ZFHX2: variants seen among roughly 807,000 people sequenced by gnomAD.
ZFHX2 encodes zinc finger homeobox protein 2.
Under a neutral mutation model 164.8 loss-of-function variants are expected in ZFHX2, and 75 were observed. The observed-to-expected ratio is 0.46, with a 90% confidence interval of 0.38 to 0.55. The LOEUF (loss-of-function observed/expected upper bound fraction) is 0.55. Among genes scored for constraint, ZFHX2 ranks in the 20% least tolerant of loss-of-function variants. The probability of loss-of-function intolerance (pLI) is 0.00; values close to 1 mark genes in which losing one functional copy is unlikely to be tolerated. For missense variants in ZFHX2, 2,933 were observed against 3,308.0 expected, an observed-to-expected ratio of 0.89 and a Z score of 2.78; for synonymous variants, 1,217 against 1,351.4, an observed-to-expected ratio of 0.90 and a Z score of 2.18.
At chr14:23,543,583 A>G (rs1881054136) in intron 1 of ZFHX2, 1 of 152,102 alleles carries the variant, frequency 6.6e-6, no homozygotes, top group Admixed American at 6.5e-5. Context: ...GCTTTGCGCA[A>G]CTCCAGGGTG....
intron 1 of ZFHX2, chr14:23,548,338 G>A (rs952237877): frequency 6.6e-6 from 1 of 152,316 alleles, no homozygotes; most frequent in South Asian, 2.1e-4. Flanking sequence ...TCTGAGCTGG[G>A]AAGAGCTCCA....
Position 23,530,142 on chromosome 14 carries a change from G to A in ZFHX2, c.2853C>T (p.Ala951=), listed in dbSNP as rs750971995. 12 of 1,536,098 alleles carry A rather than the reference G, an allele frequency of 7.8e-6. No individual in the cohort carries two copies. The highest frequency in any genetic ancestry group is 9.6e-6 in the Non-Finnish European group (11 of 1,146,876). ...LAEPPTPEKD[A]QNKTEQLASE... is the part of the protein sequence containing the mutation. ...CACCCAATTGTTCTGTCTTGTTCTG[G>A]GCATCTTTCTCAGGGGTGGGTGGCT... Residue 951 remains alanine, a synonymous_variant, in exon 5 of 10, where the codon GCC becomes GCT. Transcript: ENST00000419474.
intron 7 of ZFHX2, among the ~76,000 whole-genome samples, chr14:23,527,256 C>T (rs765995762): frequency 7.9e-5 from 12 of 152,356 alleles, no homozygotes; most frequent in Admixed American, 1.3e-4. Flanking sequence ...CAACTCTTCT[C>T]AGGACTTAGT....
At chr14:23,537,960 G>A (rs1004357394) in intron 1 of ZFHX2, 1 of 152,806 alleles carries the variant, frequency 6.5e-6, no homozygotes, top group East Asian at 1.9e-4. Context: ...GCCGGCCCAA[G>A]TGCTACAGCT....
At position 23,529,832 on chromosome 14, in the gene ZFHX2, A is replaced by G. The variant is rs1035847292; in HGVS notation, c.2876-64T>C. On this transcript the variant is annotated intron_variant, in intron 5 of 9. Transcript: ENST00000419474. ...GCCCTCAAGATGATTTGTAGCAGAG[A>G]GCTTCCAGGGTAGGGAGTTGGGCAC... 5.4e-6 allele frequency: 8 copies of G among 1,484,704 alleles called. No homozygotes were observed. In the African/African-American group the frequency reaches 1.1e-4, roughly 21 times the overall value. 92.0% of individuals were successfully genotyped at this position (1,484,704 alleles called of 1,614,324 possible).
At position 23,532,529 on chromosome 14, in the gene ZFHX2, T is replaced by C. The variant is rs539613367; in HGVS notation, c.2559+38A>G. On this transcript the variant is annotated intron_variant, in intron 3 of 9. Transcript: ENST00000419474. ...ATCTCCTCCCTCTGTCCCCATTCCC[T>C]TCTCCTCTTCCGATGGCCCTTCCTG... is the stretch of plus-strand genomic sequence containing the variant. 3.4e-5 allele frequency: 48 copies of C among 1,429,036 alleles called. No homozygotes were observed. The East Asian group carries it at 1.2e-3, about 36-fold the overall frequency. The allele number at this position is 1,429,036 out of a possible 1,614,324, so 88.5% of individuals were successfully genotyped here. A position where few individuals can be genotyped will look rare whatever the true frequency, so the allele number is the denominator to read the frequency against.
Position 23,535,565 on chromosome 14 carries a change from TTTTA to T in ZFHX2, c.-49-195_-49-192del, listed in dbSNP as rs554931123. 6.6e-5 allele frequency among the ~76,000 whole-genome samples: 10 copies of T among 152,222 alleles called. No homozygotes were observed. The South Asian group carries it at 1.7e-3, about 25-fold the overall frequency. On this transcript the variant is annotated intron_variant, in intron 1 of 9. Transcript: ENST00000419474. The surrounding 1 kb of genome is among the most constrained non-coding windows in gnomAD (Gnocchi z 4.5). ...ATATGTCCAACATCAGAACTCTTCA[TTTTA>T]TTTATTTTATTTTATTTTATTAATT...
At position 23,526,386 on chromosome 14, in the gene ZFHX2, C is replaced by A; in HGVS notation, c.3556G>T (p.Asp1186Tyr). 6.5e-7 allele frequency: 1 copy of A among 1,536,250 alleles called. No homozygotes were observed. Among genetic ancestry groups the A allele is most frequent in the South Asian group, 1.2e-5 (1 of 84,034 alleles). The change falls in exon 9 of 10, where the codon GAC becomes TAC. Residue 1186 changes from aspartate (D) to tyrosine (Y), a missense_variant. Physicochemically the swap from Asp to Tyr is radical, Grantham distance 160. Coordinates refer to ENST00000419474, the MANE Select transcript of ZFHX2 (RefSeq NM_033400.3). The part of the protein sequence containing the change: ...TTNFALDKFL[D>Y]PARPYKCTVC... Reference sequence around the variant, plus strand: ...GTGCACTTATAGGGCCGGGCAGGGTCGAGAAACTTGTCCAGGGCAAAGTTG... The same window carrying A: ...GTGCACTTATAGGGCCGGGCAGGGTAGAGAAACTTGTCCAGGGCAAAGTTG...
At chr14:23,553,881 G>A (rs552485176), upstream of ZFHX2, among the ~76,000 whole-genome samples, 18 of 152,036 alleles carry the variant, frequency 1.2e-4, no homozygotes, top group South Asian at 1.7e-3. Context: ...GCGACAAAGC[G>A]AGACTCCGTC....
rs922644698 is a variant in ZFHX2 at position 23,530,207 on chromosome 14, G to T, written c.2801-13C>A. 6 of 1,521,928 alleles carry T rather than the reference G, an allele frequency of 3.9e-6. No homozygotes were observed. In the African/African-American group the frequency reaches 4.1e-5, roughly 10 times the overall value. The allele number at this position is 1,521,928 out of a possible 1,614,324, so 94.3% of individuals were successfully genotyped here. On this transcript the variant is annotated splice_polypyrimidine_tract_variant and intron_variant, in intron 4 of 9. Transcript: ENST00000419474. Reference sequence around the variant, plus strand: ...ACAGGAGCCTTCCCTGTGTAGGATGGGGGGAGAGTCAGCTTAAAGAGGTGT... The same window carrying T: ...ACAGGAGCCTTCCCTGTGTAGGATGTGGGGAGAGTCAGCTTAAAGAGGTGT...
At chr14:23,540,704 T>G (rs1880703892) in intron 1 of ZFHX2, among the ~76,000 whole-genome samples, 1 of 152,218 alleles carries the variant, frequency 6.6e-6, no homozygotes, top group Non-Finnish European at 1.5e-5. Context: ...TGAGCCTTAG[T>G]CTCCTTATCT....
Position 23,526,362 on chromosome 14 carries a change from T to G in ZFHX2, c.3580A>C (p.Thr1194Pro). ...FLDPARPYKC[T>P]VCKESFTQKN... ...TGGGTGAAGGACTCCTTACACACAG[T>G]GCACTTATAGGGCCGGGCAGGGTCG... Residue 1194 changes from threonine to proline, a missense_variant, in exon 9 of 10, where the codon ACT (threonine) becomes CCT (proline). Coordinates refer to ENST00000419474, the MANE Select transcript of ZFHX2 (RefSeq NM_033400.3). 6.5e-7 allele frequency: 1 copy of G among 1,536,326 alleles called. No individual in the cohort carries two copies. The highest frequency in any genetic ancestry group is 8.7e-7 in the Non-Finnish European group (1 of 1,146,904).
At position 23,521,967 on chromosome 14, in the gene ZFHX2, A is replaced by C. The variant is rs1878050046; in HGVS notation, c.7714T>G (p.Leu2572Val). ...KTTTTSTLLA[L>V] ...CCCCATCTTGGTTAATCTGTTTATA[A>C]AGCTAGAAGTGTAGAGGTAGTCGTA... The change falls in exon 10 of 10, where the codon TTA (leucine) becomes GTA (valine). Residue 2572 changes from leucine to valine, a missense_variant. By Grantham distance (32) the Leu-to-Val change is conservative (BLOSUM62 1). Coordinates refer to ENST00000419474, the MANE Select transcript of ZFHX2 (RefSeq NM_033400.3). 1 of 1,536,236 alleles carries C rather than the reference A, an allele frequency of 6.5e-7. No individual in the cohort carries two copies. Among genetic ancestry groups the C allele is most frequent in the Admixed American group, 2.0e-5 (1 of 50,998 alleles).
intron 1 of ZFHX2, among the ~76,000 whole-genome samples, chr14:23,540,698 C>G (rs1405169309): frequency 6.6e-6 from 1 of 152,182 alleles, no homozygotes; most frequent in African/African-American, 2.4e-5. Context: ...ACGTATTGAG[C>G]CTTAGTCTCC....
rs1241706695 is a variant in ZFHX2, at chr14:23,525,234, G to T, written c.4708C>A (p.Arg1570=). ...GGTRAPEERS[R]AGGHWPIEEE... ...TCTATGGGCCAGTGTCCCCCTGCTC[G>T]ACTTCGCTCTTCAGGGGCACGGGTC... The change falls in exon 9 of 10, where the codon CGA becomes AGA. Residue 1570 remains arginine (R), a synonymous_variant. Transcript: ENST00000419474. The surrounding 1 kb of genome is among the most constrained non-coding windows in gnomAD (Gnocchi z 5.9). The T allele has an allele frequency of 6.5e-7, 1 of 1,536,052 alleles. No individual in the cohort carries two copies. Among genetic ancestry groups the T allele is most frequent in the Non-Finnish European group, 8.7e-7 (1 of 1,146,898 alleles).
chr14:23,532,741 C>A lies in ZFHX2; in HGVS notation c.2385G>T (p.Gly795=). The part of the protein sequence containing the change: ...KYQLAAHLRE[G]GGAMGTPSPA... ...GGGAAGGGGTGCCCATGGCTCCACC[C>A]CCCTCCCGCAGGTGGGCTGCCAGCT... Residue 795 remains glycine, a synonymous_variant, in exon 3 of 10, where the codon GGG becomes GGT. Coordinates refer to ENST00000419474, the MANE Select transcript of ZFHX2 (RefSeq NM_033400.3). The A allele has an allele frequency of 1.3e-6, 2 of 1,536,054 alleles. No homozygotes were observed. Among genetic ancestry groups the A allele is most frequent in the South Asian group, 1.2e-5 (1 of 84,040 alleles).
In ZFHX2 at chr14:23,524,511, C is replaced by T; in HGVS notation, c.5431G>A (p.Val1811Met). 6.6e-7 allele frequency: 1 copy of T among 1,526,488 alleles called. No homozygotes were observed. Among genetic ancestry groups the T allele is most frequent in the Non-Finnish European group, 8.8e-7 (1 of 1,141,632 alleles). 94.6% of individuals were successfully genotyped at this position (1,526,488 alleles called of 1,614,324 possible). Reference protein sequence around the residue: ...PPQLLDLPLLVFGERNPLVAA... With the variant: ...PPQLLDLPLLMFGERNPLVAA... ...ACCAGGGGGTTTCTCTCCCCAAACA[C>T]CAGCAAGGGCAGATCTAGGAGTTGG... The change falls in exon 9 of 10, where the codon GTG (valine) becomes ATG (methionine). Residue 1811 changes from valine (V) to methionine (M), a missense_variant. By Grantham distance (21) the Val-to-Met change is conservative (BLOSUM62 1). Coordinates refer to ENST00000419474, the MANE Select transcript of ZFHX2 (RefSeq NM_033400.3). This position sits in a 1 kb window ranked among gnomAD's most constrained non-coding sequence, Gnocchi z 5.6.
At position 23,526,890 on chromosome 14, in the gene ZFHX2, G is replaced by T. The variant is rs184266886; in HGVS notation, c.3219C>A (p.Pro1073=). The change falls in exon 8 of 10, where the codon CCC becomes CCA. Residue 1073 remains proline (P), a synonymous_variant. Transcript: ENST00000419474. ...TCGGTGTAGGCTCTGGCCCATGAGT[G>T]GGGGGTTCTTGGCCATTGTCCAGAG... ...LSPLDNGQEP[P]THGPEPTPSR... 3.7e-4 allele frequency: 574 copies of T among 1,534,000 alleles called. 5 individuals are homozygous for T. In the East Asian group the frequency reaches 0.012, roughly 32 times the overall value.
At chr14:23,548,442 G>C (rs778606586) in intron 1 of ZFHX2, 3 of 152,216 alleles carry the variant, frequency 2.0e-5, no homozygotes, top group Non-Finnish European at 4.4e-5. Context: ...AAAGCAGCAA[G>C]TGATTCCTGT....
Sources: gnomAD v4.1 joint callset for allele counts (sites outside exome capture counted in the v4.1 genomes callset) on GRCh38, gnomAD v4.1.1 for gene constraint, Gnocchi (gnomAD v3.1) non-coding constraint, MANE v1.5 for transcripts, NCBI Gene and HGNC (gene_info 2026-07-23, HGNC 2026-07-21) for gene names.